Variants in STX8 observed in about 807,000 individuals in gnomAD.
STX8 encodes syntaxin 8.
Under a neutral mutation model 37.5 loss-of-function variants are expected in STX8, and 23 were observed. The ratio of observed to expected loss-of-function variants is 0.61; its 90% CI spans 0.44 to 0.87. The LOEUF is 0.87. STX8 is among the 40% of genes least tolerant of loss of function. The pLI, the probability that STX8 is intolerant of heterozygous loss-of-function variation, is 0.00. For synonymous variants in STX8, 115 were observed against 99.1 expected (o/e 1.16, Z -0.95); for missense variants, 313 against 284.7 (o/e 1.10, Z -0.71).
chr17:9,562,368 C>A (rs1477290880), intron 2 of STX8, among the ~76,000 whole-genome samples: 1 of 151,054 alleles, frequency 6.6e-6, no homozygotes, highest in African/African-American at 2.4e-5. Flanking sequence ...ATCGCGCCAC[C>A]GCACTCCAGC....
At chr17:9,553,640 C>T (rs1481491558) in intron 3 of STX8, 1 of 152,162 alleles carries the variant, frequency 6.6e-6, no homozygotes, top group Non-Finnish European at 1.5e-5. Context: ...TATGAACAAA[C>T]ATTTTTCTCA....
chr17:9,459,571 AGT>A (rs1370870184), intron 6 of STX8, among the ~76,000 whole-genome samples: 2 of 152,200 alleles, frequency 1.3e-5, no homozygotes, highest in African/African-American at 4.8e-5. Context: ...GCTGGAGTGC[AGT>A]GGCATGATCT....
chr17:9,309,768 C>T (rs1209090004), intron 7 of STX8, among the ~76,000 whole-genome samples: 1 of 152,100 alleles, frequency 6.6e-6, no homozygotes, highest in Non-Finnish European at 1.5e-5. Context: ...TTTTTAAATA[C>T]TGTACTGTTT....
intron 7 of STX8, among the ~76,000 whole-genome samples, chr17:9,288,119 C>CAAAA (rs1567769143): frequency 4.8e-5 from 1 of 20,762 alleles, no homozygotes; most frequent in Non-Finnish European, 9.3e-5. Context: ...GGGAGAAAAG[C>CAAAA]AAAACAAACA....
intron 7 of STX8, among the ~76,000 whole-genome samples, chr17:9,339,070 CAAA>C (rs34987749): frequency 1.0e-4 from 7 of 70,006 alleles, no homozygotes; most frequent in Admixed American, 1.6e-4. Context: ...GACTCCGTCT[CAAA>C]AAAAAAAAAA....
At chr17:9,292,412 C>A (rs866126628) in intron 7 of STX8, among the ~76,000 whole-genome samples, 3 of 152,196 alleles carry the variant, frequency 2.0e-5, no homozygotes, top group Admixed American at 2.0e-4. Flanking sequence ...GTTCCCAGTT[C>A]AGAGATTTAT....
intron 6 of STX8, chr17:9,461,221 G>A (rs1010636577): frequency 1.3e-5 from 2 of 152,058 alleles, no homozygotes; most frequent in Non-Finnish European, 2.9e-5. Context: ...GATCCAGACA[G>A]TGAACCAATC....
intron 4 of STX8, among the ~76,000 whole-genome samples, chr17:9,536,349 C>A (rs535375807): frequency 6.6e-6 from 1 of 152,232 alleles, no homozygotes; most frequent in Admixed American, 6.5e-5. Flanking sequence ...AGCAACTACC[C>A]GAAGCCCTGA....
At chr17:9,385,009 T>A in intron 6 of STX8, among the ~76,000 whole-genome samples, 1 of 148,172 alleles carries the variant, frequency 6.7e-6, no homozygotes, top group African/African-American at 2.6e-5. Context: ...CTGTAAAGCT[T>A]CTAAAAGAAA....
At chr17:9,419,129 G>T (rs1913329091) in intron 6 of STX8, among the ~76,000 whole-genome samples, 1 of 151,918 alleles carries the variant, frequency 6.6e-6, no homozygotes, top group South Asian at 2.1e-4. Context: ...GTCTCACTAT[G>T]TTGTTCAGGC....
chr17:9,556,545 G>T (rs1029220100), intron 3 of STX8, among the ~76,000 whole-genome samples: 1 of 151,680 alleles, frequency 6.6e-6, no homozygotes, highest in Non-Finnish European at 1.5e-5. Flanking sequence ...AGGTTCAAGT[G>T]ATTCTCCTGC....
chr17:9,271,403 G>A (rs1263509789), intron 7 of STX8, among the ~76,000 whole-genome samples: 4 of 152,034 alleles, frequency 2.6e-5, no homozygotes, highest in Admixed American at 2.0e-4. Context: ...GCAGTGAGCC[G>A]AGATGCGCCT....
chr17:9,558,294 C>G (rs1049597854), intron 2 of STX8, among the ~76,000 whole-genome samples: 1 of 152,188 alleles, frequency 6.6e-6, no homozygotes. Context: ...GTTTCCTTTG[C>G]TACCTTGTCA....
chr17:9,289,591 A>G (rs1428534533), intron 7 of STX8, among the ~76,000 whole-genome samples: 4 of 151,098 alleles, frequency 2.6e-5, no homozygotes, highest in African/African-American at 9.7e-5. Flanking sequence ...CCTGGCTAAC[A>G]TGGTGAAACC....
chr17:9,562,409 A>T (rs11867686), intron 2 of STX8, among the ~76,000 whole-genome samples: 1,843 of 139,454 alleles, frequency 0.013, 35 homozygotes, highest in African/African-American at 0.046. Flanking sequence ...CCGTCTCAGG[A>T]AAAAAAAAAA....
Position 9,430,020 on chromosome 17 carries a change from T to TATATATA in STX8, c.542-51374_542-51368dup, listed in dbSNP as rs1491178923. Among the ~76,000 whole-genome samples, 2 of 27,416 alleles carry TATATATA rather than the reference T, an allele frequency of 7.3e-5. 1 individual carries two copies. Among genetic ancestry groups the TATATATA allele is most frequent in the African/African-American group, 3.9e-4 (2 of 5,152 alleles). 18.0% of individuals were successfully genotyped at this position (27,416 alleles called of 152,430 possible). ...AATATATATATTATATATTATATATTATATATAATATATTCTATAGAATAT... is the reference window on the plus strand; with the variant it reads ...AATATATATATTATATATTATATATTATATATAATATATAATATATTCTATAGAATAT... On this transcript the variant is annotated intron_variant, in intron 6 of 7. Transcript: ENST00000306357.
intron 6 of STX8, among the ~76,000 whole-genome samples, chr17:9,444,033 A>G (rs1209435542): frequency 6.6e-6 from 1 of 152,106 alleles, no homozygotes; most frequent in Non-Finnish European, 1.5e-5. Flanking sequence ...TCCAGAACAT[A>G]CCATAGCACT....
intron 6 of STX8, among the ~76,000 whole-genome samples, chr17:9,453,440 C>A (rs186818518): frequency 6.6e-6 from 1 of 150,910 alleles, no homozygotes; most frequent in African/African-American, 2.4e-5. Flanking sequence ...AAGGTATGAA[C>A]TGTATACAAC....
chr17:9,398,453 C>T (rs1415736429), intron 6 of STX8, among the ~76,000 whole-genome samples: 1 of 152,080 alleles, frequency 6.6e-6, no homozygotes, highest in Non-Finnish European at 1.5e-5. Context: ...TCTGAGACAC[C>T]GCCACAGCTC....
Sources: gnomAD v4.1 joint callset for allele counts (sites outside exome capture counted in the v4.1 genomes callset) on GRCh38, gnomAD v4.1.1 for gene constraint, MANE v1.5 for transcripts, NCBI Gene and HGNC (gene_info 2026-07-23, HGNC 2026-07-21) for gene names.